NKAIN2: variants seen among roughly 807,000 people sequenced by gnomAD.
NKAIN2 encodes the protein sodium/potassium transporting ATPase interacting 2, also known as sodium/potassium-transporting ATPase subunit beta-1-interacting protein 2.
In NKAIN2, 14 loss-of-function variants were observed where a neutral mutation model predicts 32.6. The ratio of observed to expected loss-of-function variants is 0.43; its 90% CI spans 0.28 to 0.67. The LOEUF (loss-of-function observed/expected upper bound fraction) is 0.67, where lower values mean the gene tolerates loss of function less well. NKAIN2 is among the 30% of genes least tolerant of loss of function. The pLI, the probability that NKAIN2 is intolerant of heterozygous loss-of-function variation, is 0.17. For synonymous variants in NKAIN2, 80 were observed against 87.2 expected (o/e 0.92, Z 0.46); for missense variants, 198 against 258.3 (o/e 0.77, Z 1.60).
intron 1 of NKAIN2, among the ~76,000 whole-genome samples, chr6:123,913,187 T>C (rs1015116047): frequency 6.6e-5 from 10 of 152,174 alleles, no homozygotes; most frequent in Admixed American, 4.6e-4. Context: ...CATAATTTCC[T>C]AACATGCCAA....
At chr6:124,483,787 T>G (rs2114706350) in intron 3 of NKAIN2, among the ~76,000 whole-genome samples, 1 of 152,016 alleles carries the variant, frequency 6.6e-6, no homozygotes, top group South Asian at 2.1e-4. Flanking sequence ...GTATTATAAC[T>G]AAATAATCTT....
chr6:124,578,888 G>GGA (rs747268236), intron 3 of NKAIN2, among the ~76,000 whole-genome samples: 6 of 152,152 alleles, frequency 3.9e-5, no homozygotes, highest in African/African-American at 7.2e-5. Context: ...ATAGCAGGGT[G>GGA]GAGAGAGAGA....
rs193134928 is a variant in NKAIN2 at position 124,406,626 on chromosome 6, G to T, written c.273+51279G>T. On this transcript the variant is annotated intron_variant, in intron 3 of 6. Transcript: ENST00000368417. The stretch of plus-strand genomic sequence containing the variant: ...GGTATAATGGCTGGATTATATGAAT[G>T]GTTGTATGTTTAATTTTTAGCAAAA... 3.2e-3 allele frequency among the ~76,000 whole-genome samples: 484 copies of T among 152,112 alleles called. 3 individuals carry two copies. Among genetic ancestry groups the T allele is most frequent in the African/African-American group, 0.01 (431 of 41,528 alleles).
chr6:124,488,917 A>G (rs1294421424), intron 3 of NKAIN2, among the ~76,000 whole-genome samples: 1 of 151,828 alleles, frequency 6.6e-6, no homozygotes, highest in Admixed American at 6.6e-5. Context: ...ATAAAATGGG[A>G]AGAGGTATTA....
At chr6:123,833,563 A>G (rs1002199219) in intron 1 of NKAIN2, among the ~76,000 whole-genome samples, 2 of 151,970 alleles carry the variant, frequency 1.3e-5, no homozygotes, top group Non-Finnish European at 2.9e-5. Flanking sequence ...CATGAAAAGT[A>G]TTTTTCAATG....
intron 1 of NKAIN2, among the ~76,000 whole-genome samples, chr6:123,971,475 A>G (rs1302870017): frequency 1.3e-5 from 2 of 152,174 alleles, no homozygotes; most frequent in Admixed American, 1.3e-4. Flanking sequence ...GACAAGAAGT[A>G]TACATTCTCT....
chr6:124,343,147 C>T (rs1426348404), intron 2 of NKAIN2, among the ~76,000 whole-genome samples: 1 of 152,058 alleles, frequency 6.6e-6, no homozygotes, highest in Non-Finnish European at 1.5e-5. Context: ...CATGTCCCTA[C>T]AAAGGACATG....
chr6:124,029,255 A>G (rs2114782097), intron 1 of NKAIN2, among the ~76,000 whole-genome samples: 1 of 152,102 alleles, frequency 6.6e-6, no homozygotes, highest in East Asian at 1.9e-4. Flanking sequence ...TTTATTTCTT[A>G]GTGAAATTCT....
At chr6:124,464,379 T>C (rs2114655334) in intron 3 of NKAIN2, among the ~76,000 whole-genome samples, 1 of 152,188 alleles carries the variant, frequency 6.6e-6, no homozygotes, top group East Asian at 1.9e-4. Flanking sequence ...AAGAAGTCAT[T>C]ATTGCCATTT....
At chr6:124,238,095 A>G (rs1792872785) in intron 1 of NKAIN2, among the ~76,000 whole-genome samples, 2 of 152,068 alleles carry the variant, frequency 1.3e-5, no homozygotes, top group Admixed American at 6.6e-5. Context: ...AGAGTAGGGA[A>G]AAAAGGGTTG....
At chr6:124,766,606 T>C (rs887531628) in intron 4 of NKAIN2, among the ~76,000 whole-genome samples, 6 of 152,300 alleles carry the variant, frequency 3.9e-5, no homozygotes, top group African/African-American at 1.4e-4. Flanking sequence ...AGAGAACACA[T>C]GGCCCAGATT....
At chr6:124,737,820 T>C (rs1181710166) in intron 4 of NKAIN2, among the ~76,000 whole-genome samples, 2 of 151,906 alleles carry the variant, frequency 1.3e-5, no homozygotes, top group African/African-American at 4.8e-5. Context: ...GTAACTCTTG[T>C]TATGCTTCAG....
chr6:124,309,556 T>C (rs527716608), intron 2 of NKAIN2, among the ~76,000 whole-genome samples: 1 of 152,272 alleles, frequency 6.6e-6, no homozygotes, highest in Non-Finnish European at 1.5e-5. Context: ...GACAGCTTAA[T>C]TTAGCATATT....
At chr6:124,045,727 C>T (rs757721299) in intron 1 of NKAIN2, among the ~76,000 whole-genome samples, 10 of 151,956 alleles carry the variant, frequency 6.6e-5, no homozygotes, top group Non-Finnish European at 1.2e-4. Flanking sequence ...ATAAATGACA[C>T]TTAAACCATG....
At chr6:124,079,328 A>T (rs2114902102) in intron 1 of NKAIN2, among the ~76,000 whole-genome samples, 1 of 152,316 alleles carries the variant, frequency 6.6e-6, no homozygotes. Context: ...CAAAAAATAA[A>T]AAAGAGAAAA....
intron 1 of NKAIN2, among the ~76,000 whole-genome samples, chr6:124,229,533 T>TAGATAGATAGATAGATAGAC (rs1298590453): frequency 6.7e-6 from 1 of 149,066 alleles, no homozygotes; most frequent in Non-Finnish European, 1.5e-5. Flanking sequence ...GATAGATAGA[T>TAGATAGATAGATAGATAGAC]AGACAGACAG....
intron 1 of NKAIN2, among the ~76,000 whole-genome samples, chr6:123,934,154 A>G (rs540340680): frequency 6.6e-6 from 1 of 152,202 alleles, no homozygotes; most frequent in East Asian, 1.9e-4. Context: ...AAAGTCTGTA[A>G]TCTCTTAGGC....
intron 2 of NKAIN2, among the ~76,000 whole-genome samples, chr6:124,334,727 AC>A (rs1173571993): frequency 1.1e-5 from 1 of 88,190 alleles, no homozygotes; most frequent in African/African-American, 4.9e-5. Context: ...TAGCTGCATG[AC>A]TCCTCGCCAG....
At chr6:124,617,070 C>A (rs1345136346) in intron 3 of NKAIN2, among the ~76,000 whole-genome samples, 4 of 152,118 alleles carry the variant, frequency 2.6e-5, no homozygotes, top group Non-Finnish European at 5.9e-5. Flanking sequence ...GCTTTATAAA[C>A]TTAGGCAAGA....
Sources: allele counts gnomAD v4.1 joint callset (sites outside exome capture counted in the v4.1 genomes callset), GRCh38; gene constraint gnomAD v4.1.1; transcripts MANE v1.5; gene names NCBI Gene and HGNC (gene_info 2026-07-23, HGNC 2026-07-21).